Variants in ERI1 observed in about 807,000 individuals in gnomAD.
ERI1 encodes exoribonuclease 1.
Under a neutral mutation model 39.7 loss-of-function variants are expected in ERI1, and 39 were observed. The ratio of observed to expected loss-of-function variants is 0.98; its 90% confidence interval spans 0.76 to 1.28. The LOEUF is 1.28. Among genes scored for constraint, ERI1 ranks in the 50% most tolerant of loss-of-function variants. ERI1 has a pLI of 0.00. For synonymous variants in ERI1, 204 were observed against 149.6 expected (o/e 1.36, Z -2.65); for missense variants, 581 against 416.9 (o/e 1.39, Z -3.43).
chr8:9,062,123 TG>T (rs1360277410), intron 3 of ERI1, among the ~76,000 whole-genome samples: 1 of 152,146 alleles, frequency 6.6e-6, no homozygotes, highest in African/African-American at 2.4e-5. Context: ...TAAAAGGCCA[TG>T]TTGTAGCAGG....
intron 3 of ERI1, among the ~76,000 whole-genome samples, chr8:9,089,832 G>A (rs779004800): frequency 1.3e-5 from 2 of 152,214 alleles, no homozygotes; most frequent in Non-Finnish European, 2.9e-5. Context: ...AATGAAAGGT[G>A]TGGCAGGATG....
At chr8:9,057,620 C>T (rs1290625115) in intron 3 of ERI1, among the ~76,000 whole-genome samples, 1 of 152,126 alleles carries the variant, frequency 6.6e-6, no homozygotes, top group Admixed American at 6.5e-5. Context: ...GTGAAAAAGA[C>T]AAAAATCCCT....
At chr8:9,062,438 T>C (rs779018110) in intron 3 of ERI1, among the ~76,000 whole-genome samples, 3 of 151,194 alleles carry the variant, frequency 2.0e-5, no homozygotes, top group African/African-American at 4.8e-5. Flanking sequence ...CAGGTGGGGA[T>C]AACTAAAAAA....
At chr8:9,045,522 C>T (rs865938676) in intron 3 of ERI1, among the ~76,000 whole-genome samples, 4 of 151,962 alleles carry the variant, frequency 2.6e-5, no homozygotes, top group African/African-American at 4.8e-5. Context: ...TGACCCTGGG[C>T]ATGGTGGCTC....
At chr8:9,054,481 C>A (rs1369020371) in intron 3 of ERI1, among the ~76,000 whole-genome samples, 1 of 152,174 alleles carries the variant, frequency 6.6e-6, no homozygotes, top group Non-Finnish European at 1.5e-5. Context: ...ACGGCTGACA[C>A]CCCTACAACA....
chr8:9,090,684 C>T (rs561055774), intron 3 of ERI1, among the ~76,000 whole-genome samples: 49 of 152,158 alleles, frequency 3.2e-4, no homozygotes, highest in African/African-American at 1.1e-3. Flanking sequence ...AAAACTATGT[C>T]CTCAGTTATA....
At position 9,011,667 on chromosome 8, in the gene ERI1, C is replaced by G; in HGVS notation, c.413C>G (p.Thr138Ser). ...DYICIIDFEATCEEGNPPEFV... is the reference protein window; with the variant it reads ...DYICIIDFEASCEEGNPPEFV... ...ATTTGTATTATTGACTTTGAAGCCA[C>G]TTGTGAAGAAGGAAACCCACCTGAG... Residue 138 changes from threonine to serine, a missense_variant, in exon 3 of 7, where the codon ACT becomes AGT. By Grantham distance (58) the Thr-to-Ser change is moderately conservative (BLOSUM62 1). Transcript: ENST00000250263. 1 of 1,613,602 alleles carries G rather than the reference C, an allele frequency of 6.2e-7. No homozygotes were observed.
At chr8:9,017,633 C>G (rs1423956524) in intron 4 of ERI1, among the ~76,000 whole-genome samples, 1 of 152,058 alleles carries the variant, frequency 6.6e-6, no homozygotes, top group Non-Finnish European at 1.5e-5. Flanking sequence ...AGTTGATGAA[C>G]TTGGGCTGAG....
chr8:9,007,693 A>C (rs370260681), intron 1 of ERI1, among the ~76,000 whole-genome samples: 2 of 152,272 alleles, frequency 1.3e-5, no homozygotes, highest in African/African-American at 4.8e-5. Context: ...TTCTCTATTG[A>C]GGTGGTGTTG....
chr8:9,016,107 C>A (rs1358361396), intron 3 of ERI1, among the ~76,000 whole-genome samples: 2 of 152,118 alleles, frequency 1.3e-5, no homozygotes, highest in Non-Finnish European at 2.9e-5. Context: ...CACACACTCA[C>A]TTTATCGTAA....
chr8:9,049,632 A>C, intron 3 of ERI1, among the ~76,000 whole-genome samples: 1 of 152,258 alleles, frequency 6.6e-6, no homozygotes, highest in African/African-American at 2.4e-5. Flanking sequence ...GAAATACTTA[A>C]AGGAGTTAAA....
chr8:9,038,203 C>G (rs1445398599), downstream of ERI1, among the ~76,000 whole-genome samples: 2 of 152,178 alleles, frequency 1.3e-5, no homozygotes, highest in Non-Finnish European at 2.9e-5. Flanking sequence ...ATTCCTCTTT[C>G]TCCTGGAACT....
chr8:9,054,768 T>C (rs780185801), intron 3 of ERI1, among the ~76,000 whole-genome samples: 1 of 152,092 alleles, frequency 6.6e-6, no homozygotes, highest in Non-Finnish European at 1.5e-5. Flanking sequence ...CTACTAAAAA[T>C]ACAAAAATTA....
At chr8:9,086,175 A>C (rs1220059778) in intron 3 of ERI1, among the ~76,000 whole-genome samples, 1 of 152,172 alleles carries the variant, frequency 6.6e-6, no homozygotes, top group African/African-American at 2.4e-5. Flanking sequence ...GAACTTTGGG[A>C]GGCCAAGGTG....
chr8:9,038,046 A>G (rs911941062), downstream of ERI1, among the ~76,000 whole-genome samples: 1 of 152,202 alleles, frequency 6.6e-6, no homozygotes, highest in African/African-American at 2.4e-5. Flanking sequence ...AACTGTACCT[A>G]TTTGCACATT....
chr8:9,094,287 G>T (rs1199668907), intron 3 of ERI1, among the ~76,000 whole-genome samples: 1 of 152,196 alleles, frequency 6.6e-6, no homozygotes, highest in African/African-American at 2.4e-5. Context: ...GCAACCAGGA[G>T]AGTCTCCTCA....
intron 1 of ERI1, among the ~76,000 whole-genome samples, chr8:9,005,012 G>A (rs1815834185): frequency 6.6e-6 from 1 of 151,928 alleles, no homozygotes; most frequent in Non-Finnish European, 1.5e-5. Context: ...TTTCAATCTG[G>A]GCCAAAGTTT....
chr8:9,013,324 TAA>T (rs34377572), intron 3 of ERI1, among the ~76,000 whole-genome samples: 1,710 of 137,430 alleles, frequency 0.012, 11 homozygotes, highest in Middle Eastern at 0.024. Flanking sequence ...CATTCTCACT[TAA>T]AAAAAAAAAA....
chr8:9,097,761 C>G (rs1310523312), intron 3 of ERI1, among the ~76,000 whole-genome samples: 1 of 148,510 alleles, frequency 6.7e-6, no homozygotes, highest in Non-Finnish European at 1.5e-5. Context: ...AAGACATAAA[C>G]AAGCACTATA....
Sources: allele counts gnomAD v4.1 joint callset (sites outside exome capture counted in the v4.1 genomes callset), GRCh38; gene constraint gnomAD v4.1.1; transcripts MANE v1.5; gene names NCBI Gene and HGNC (gene_info 2026-07-23, HGNC 2026-07-21).